Variants in ZNF804B observed in about 807,000 individuals in gnomAD.
The protein encoded by ZNF804B is zinc finger protein 804B.
In ZNF804B, 80 loss-of-function variants were observed where a neutral mutation model predicts 101.4. The ratio of observed to expected loss-of-function variants is 0.79; its 90% CI spans 0.66 to 0.95. The LOEUF is 0.95. ZNF804B is among the 40% of genes least tolerant of loss of function. The probability of loss-of-function intolerance (pLI) is 0.00; values close to 1 mark genes in which losing one functional copy is unlikely to be tolerated. For missense variants in ZNF804B, 1,673 were observed against 1,561.9 expected, an observed-to-expected ratio of 1.07 and a Z score of -1.20; for synonymous variants, 622 against 558.8, an observed-to-expected ratio of 1.11 and a Z score of -1.59.
intron 1 of ZNF804B, among the ~76,000 whole-genome samples, chr7:89,164,855 G>T (rs1584026567): frequency 6.6e-6 from 1 of 152,002 alleles, no homozygotes; most frequent in Non-Finnish European, 1.5e-5. Flanking sequence ...TAAATAATGA[G>T]ATTAAGGATA....
chr7:89,308,227 A>G (rs1790595556), intron 2 of ZNF804B, among the ~76,000 whole-genome samples: 1 of 152,176 alleles, frequency 6.6e-6, no homozygotes, highest in African/African-American at 2.4e-5. Flanking sequence ...AGAAAAGACG[A>G]TGAATCTCTC....
rs1187515659 is a variant in ZNF804B, at chr7:89,334,604, C to T, written c.1622C>T (p.Ala541Val). 1.9e-6 allele frequency: 3 copies of T among 1,613,754 alleles called. No individual in the cohort carries two copies. Among genetic ancestry groups the T allele is most frequent in the Non-Finnish European group, 2.5e-6 (3 of 1,179,836 alleles). The change falls in exon 4 of 4, where the codon GCT (alanine) becomes GTT (valine). Residue 541 changes from alanine to valine, a missense_variant. Physicochemically the swap from Ala to Val is moderately conservative, Grantham distance 64. Coordinates refer to ENST00000333190, the MANE Select transcript of ZNF804B (RefSeq NM_181646.5). ...YQYPKPKTMI[A>V]NPDWEKFQRK... ...TATCCGAAACCAAAGACGATGATAG[C>T]TAATCCGGATTGGGAAAAATTCCAG...
chr7:89,085,453 C>G (rs2116318228), intron 1 of ZNF804B, among the ~76,000 whole-genome samples: 1 of 151,942 alleles, frequency 6.6e-6, no homozygotes, highest in African/African-American at 2.4e-5. Context: ...AATTGAAGTA[C>G]AATTTTTTTT....
At chr7:88,886,603 C>T (rs374350575) in intron 1 of ZNF804B, among the ~76,000 whole-genome samples, 88 of 151,582 alleles carry the variant, frequency 5.8e-4, no homozygotes, top group East Asian at 5.2e-3. Flanking sequence ...TTATTGCACA[C>T]AATGTATGGT....
At chr7:89,174,150 A>T (rs1429888074) in intron 1 of ZNF804B, among the ~76,000 whole-genome samples, 1 of 151,904 alleles carries the variant, frequency 6.6e-6, no homozygotes, top group East Asian at 1.9e-4. Flanking sequence ...AATGTACACA[A>T]CTTTTTGTGC....
chr7:89,312,795 C>T (rs1412921548), intron 2 of ZNF804B, among the ~76,000 whole-genome samples: 2 of 144,498 alleles, frequency 1.4e-5, no homozygotes, highest in African/African-American at 5.2e-5. Context: ...GCCTGGGTAA[C>T]ATAGCAACAC....
At chr7:88,768,970 GT>G (rs1231935949) in intron 1 of ZNF804B, among the ~76,000 whole-genome samples, 1 of 152,058 alleles carries the variant, frequency 6.6e-6, no homozygotes, top group Non-Finnish European at 1.5e-5. Flanking sequence ...GGAAACAATG[GT>G]TCCTAATATG....
chr7:88,997,973 A>G (rs1788225256), intron 1 of ZNF804B, among the ~76,000 whole-genome samples: 1 of 152,032 alleles, frequency 6.6e-6, no homozygotes, highest in African/African-American at 2.4e-5. Flanking sequence ...TCCTGTACAG[A>G]TCTTAGCACT....
intron 1 of ZNF804B, among the ~76,000 whole-genome samples, chr7:88,902,161 A>G (rs559119427): frequency 4.6e-4 from 70 of 152,140 alleles, no homozygotes; most frequent in Non-Finnish European, 8.5e-4. Flanking sequence ...ACTAAGCCAC[A>G]TACCTCATAC....
chr7:89,258,316 G>A (rs746867725), intron 2 of ZNF804B, among the ~76,000 whole-genome samples: 1 of 152,016 alleles, frequency 6.6e-6, no homozygotes, highest in Non-Finnish European at 1.5e-5. Context: ...GATACCAGGA[G>A]CAACTGTGTA....
intron 2 of ZNF804B, among the ~76,000 whole-genome samples, chr7:89,275,479 T>A (rs1469041096): frequency 6.6e-6 from 1 of 151,886 alleles, no homozygotes; most frequent in African/African-American, 2.4e-5. Flanking sequence ...TCCTGCTGCT[T>A]TCTTTGAATC....
intron 2 of ZNF804B, among the ~76,000 whole-genome samples, chr7:89,309,413 A>G (rs937033675): frequency 2.0e-5 from 3 of 152,042 alleles, no homozygotes; most frequent in Non-Finnish European, 2.9e-5. Flanking sequence ...TCTGTATTTT[A>G]TTTGGCAGTT....
chr7:89,207,388 C>T (rs985710254), intron 1 of ZNF804B, among the ~76,000 whole-genome samples: 2 of 152,152 alleles, frequency 1.3e-5, no homozygotes, highest in African/African-American at 4.8e-5. Context: ...AGGGCATGTT[C>T]AGGGGAACTC....
chr7:88,810,465 C>CA lies in ZNF804B; in HGVS notation c.108+50383dup, dbSNP rs553850975. Reference sequence around the variant, plus strand: ...CCCAGGAGTTCGAGACCAGCCTGGGCAATATGGCAAAACCTCATCTCTACA... The same window carrying CA: ...CCCAGGAGTTCGAGACCAGCCTGGGCAAATATGGCAAAACCTCATCTCTACA... On this transcript the variant is annotated intron_variant, in intron 1 of 3. Coordinates refer to ENST00000333190, the MANE Select transcript of ZNF804B (RefSeq NM_181646.5). 6.9e-5 allele frequency among the ~76,000 whole-genome samples: 10 copies of CA among 145,280 alleles called. No individual in the cohort carries two copies. In the South Asian group the frequency reaches 2.2e-3, roughly 32 times the overall value.
At chr7:89,016,559 T>G (rs1160703273) in intron 1 of ZNF804B, among the ~76,000 whole-genome samples, 1 of 149,098 alleles carries the variant, frequency 6.7e-6, no homozygotes, top group Non-Finnish European at 1.5e-5. Context: ...TACATATGGC[T>G]AGCCAGTTTT....
rs548604903 is a variant in ZNF804B at position 88,997,120 on chromosome 7, C to T, written c.109-221035C>T. On this transcript the variant is annotated intron_variant, in intron 1 of 3. Coordinates refer to ENST00000333190, the MANE Select transcript of ZNF804B (RefSeq NM_181646.5). ...GAATGGTGAAAGTGTGAATTAGGGACACTGTTCCAAACTATGAATAAAGTG... is the reference window on the plus strand; with the variant it reads ...GAATGGTGAAAGTGTGAATTAGGGATACTGTTCCAAACTATGAATAAAGTG... 1.1e-3 allele frequency among the ~76,000 whole-genome samples: 173 copies of T among 152,196 alleles called. 4 individuals are homozygous for T. In the South Asian group the frequency reaches 0.035, roughly 31 times the overall value.
chr7:89,011,749 T>G (rs1308736293), intron 1 of ZNF804B, among the ~76,000 whole-genome samples: 1 of 152,132 alleles, frequency 6.6e-6, no homozygotes, highest in East Asian at 1.9e-4. Context: ...TGCCCCTATG[T>G]CTTTGAGAGT....
chr7:89,296,150 AAAAT>A (rs1272606313), intron 2 of ZNF804B, among the ~76,000 whole-genome samples: 2 of 152,118 alleles, frequency 1.3e-5, no homozygotes, highest in African/African-American at 4.8e-5. Context: ...TATTGAAACA[AAAAT>A]AAATACATAT....
intron 1 of ZNF804B, among the ~76,000 whole-genome samples, chr7:88,825,151 G>A (rs1791034835): frequency 6.6e-6 from 1 of 152,060 alleles, no homozygotes; most frequent in Admixed American, 6.6e-5. Context: ...GAGCTGAGTG[G>A]GATCCTGTGA....
Sources: gnomAD v4.1 joint callset for allele counts (sites outside exome capture counted in the v4.1 genomes callset) on GRCh38, gnomAD v4.1.1 for gene constraint, MANE v1.5 for transcripts, NCBI Gene and HGNC (gene_info 2026-07-23, HGNC 2026-07-21) for gene names.